APBB2: variants seen among roughly 807,000 people sequenced by gnomAD.
APBB2 encodes the protein Fe65-like 1.
In APBB2, 38 loss-of-function variants were observed where a neutral mutation model predicts 82.5. The observed-to-expected ratio is 0.46, with a 90% CI of 0.36 to 0.60. The LOEUF (loss-of-function observed/expected upper bound fraction) is 0.60, where lower values mean the gene tolerates loss of function less well. APBB2 is among the 20% of genes least tolerant of loss of function. The pLI, the probability that APBB2 is intolerant of heterozygous loss-of-function variation, is 0.00. For synonymous variants in APBB2, 341 were observed against 368.2 expected (o/e 0.93, Z 0.85); for missense variants, 772 against 972.3 (o/e 0.79, Z 2.74).
intron 10 of APBB2, among the ~76,000 whole-genome samples, chr4:40,926,290 G>T (rs1782583336): frequency 6.6e-6 from 1 of 152,142 alleles, no homozygotes; most frequent in Non-Finnish European, 1.5e-5. Context: ...ATCAGAATTT[G>T]CCCACAGGTA....
At position 41,058,760 on chromosome 4, in the gene APBB2, A is replaced by T. The variant is rs540661988; in HGVS notation, c.-51+6816T>A. 2.6e-5 allele frequency among the ~76,000 whole-genome samples: 4 copies of T among 152,340 alleles called. No individual in the cohort carries two copies. The East Asian group carries it at 5.8e-4, about 22-fold the overall frequency. On this transcript the variant is annotated intron_variant, in intron 4 of 17. Coordinates refer to ENST00000508593, the MANE Select transcript of APBB2 (RefSeq NM_004307.2). ...TGCAATTTGGTGACAAAAATATCTT[A>T]AAATTCTTTAATAGGATGGTGGTAA...
chr4:40,830,643 T>C (rs367742978), intron 12 of APBB2, 66 bp from the exon 13 acceptor site: 2 of 924,286 alleles, frequency 2.2e-6, no homozygotes, highest in Admixed American at 1.8e-5. Flanking sequence ...ACTTTAGTTA[T>C]GAAGTTAACT....
chr4:41,033,923 C>T (rs1356856203), intron 4 of APBB2, among the ~76,000 whole-genome samples: 1 of 151,988 alleles, frequency 6.6e-6, no homozygotes, highest in African/African-American at 2.4e-5. Context: ...AAGAAAATAC[C>T]AATTTAAATA....
At chr4:41,097,110 A>G (rs374421058) in intron 3 of APBB2, among the ~76,000 whole-genome samples, 11 of 152,224 alleles carry the variant, frequency 7.2e-5, no homozygotes, top group East Asian at 5.8e-4. Flanking sequence ...AGCTATTTGG[A>G]GTTTCTTTGG....
intron 1 of APBB2, chr4:41,194,182 T>TTCACC: frequency 6.6e-6 from 1 of 150,496 alleles, no homozygotes; most frequent in Non-Finnish European, 1.5e-5. Flanking sequence ...ATTAGCTGGA[T>TTCACC]GTGATGGTGT....
At chr4:41,102,096 C>T (rs1022646034) in intron 2 of APBB2, among the ~76,000 whole-genome samples, 3 of 152,036 alleles carry the variant, frequency 2.0e-5, no homozygotes, top group Non-Finnish European at 4.4e-5. Context: ...AACCTATAAC[C>T]TAAAGTCGGC....
At chr4:41,001,428 T>C (rs1805199663) in intron 6 of APBB2, among the ~76,000 whole-genome samples, 2 of 152,210 alleles carry the variant, frequency 1.3e-5, no homozygotes, top group Admixed American at 1.3e-4. Flanking sequence ...CTTTATGATA[T>C]CCCAGATATA....
At chr4:40,998,911 TGGGC>T (rs1804371484) in intron 6 of APBB2, among the ~76,000 whole-genome samples, 1 of 152,112 alleles carries the variant, frequency 6.6e-6, no homozygotes, top group Non-Finnish European at 1.5e-5. Flanking sequence ...ACTCACATCC[TGGGC>T]GGGATGAAGC....
At chr4:40,990,587 G>C (rs541200807) in intron 6 of APBB2, among the ~76,000 whole-genome samples, 1 of 152,102 alleles carries the variant, frequency 6.6e-6, no homozygotes, top group Non-Finnish European at 1.5e-5. Context: ...CAAACCTTTC[G>C]CACTTCCAGA....
chr4:40,870,733 TC>T (rs1765265390), intron 12 of APBB2, among the ~76,000 whole-genome samples: 2 of 143,932 alleles, frequency 1.4e-5, no homozygotes, highest in Admixed American at 6.9e-5. Flanking sequence ...GTATACACAC[TC>T]TTTTTTTTTT....
At chr4:40,913,868 G>C (rs2154364200) in intron 10 of APBB2, among the ~76,000 whole-genome samples, 1 of 152,092 alleles carries the variant, frequency 6.6e-6, no homozygotes, top group South Asian at 2.1e-4. Flanking sequence ...AAATACTTAT[G>C]TTAGGTAAGT....
intron 4 of APBB2, among the ~76,000 whole-genome samples, chr4:41,035,985 C>A (rs995449811): frequency 6.6e-6 from 1 of 151,866 alleles, no homozygotes; most frequent in Non-Finnish European, 1.5e-5. Context: ...ACAGCGAGAC[C>A]CTATCTCTAC....
chr4:40,921,025 G>A (rs1027009071), intron 10 of APBB2, among the ~76,000 whole-genome samples: 1 of 152,146 alleles, frequency 6.6e-6, no homozygotes, highest in Admixed American at 6.5e-5. Context: ...TCAAGCCACC[G>A]AACCCTCTGT....
At chr4:40,878,472 T>C (rs7675023) in intron 12 of APBB2, among the ~76,000 whole-genome samples, 252 of 152,288 alleles carry the variant, frequency 1.7e-3, no homozygotes, top group African/African-American at 5.7e-3. Flanking sequence ...CCCCATCACG[T>C]TACCTGCCTG....
Position 41,159,547 on chromosome 4 carries a change from G to A in APBB2, c.-416-16405C>T, listed in dbSNP as rs577543888. Among the ~76,000 whole-genome samples, 151 of 152,258 alleles carry A rather than the reference G, an allele frequency of 9.9e-4. 3 individuals are homozygous for A. In the South Asian group the frequency reaches 0.02, roughly 20 times the overall value. ...GTCCAAAGAACTACAGTTTATGAAT[G>A]CAAATTCAAACCCAGGATTATATCT... On this transcript the variant is annotated intron_variant, in intron 1 of 17. Coordinates refer to ENST00000508593, the MANE Select transcript of APBB2 (RefSeq NM_004307.2).
chr4:40,938,090 C>T (rs1396678239), intron 7 of APBB2, among the ~76,000 whole-genome samples: 16 of 152,164 alleles, frequency 1.1e-4, no homozygotes, highest in Admixed American at 1.0e-3. Flanking sequence ...GAGGTGGTAA[C>T]GGACCAACAG....
At chr4:41,062,800 A>G (rs1730341746) in intron 4 of APBB2, among the ~76,000 whole-genome samples, 1 of 152,176 alleles carries the variant, frequency 6.6e-6, no homozygotes, top group African/African-American at 2.4e-5. Context: ...CGTTTCTGGC[A>G]CCCAGTGAGG....
At chr4:40,896,109 G>A (rs961924856) in intron 10 of APBB2, among the ~76,000 whole-genome samples, 2 of 151,088 alleles carry the variant, frequency 1.3e-5, no homozygotes, top group African/African-American at 4.9e-5. Flanking sequence ...CTGTCACCCC[G>A]GCTGGAGTGC....
intron 10 of APBB2, among the ~76,000 whole-genome samples, chr4:40,912,502 G>T (rs192102833): frequency 0.014 from 2,071 of 151,978 alleles, 22 homozygotes; most frequent in Non-Finnish European, 0.019. Context: ...GCTTGAACCT[G>T]GGAGGCACAG....
Sources: allele counts gnomAD v4.1 joint callset (sites outside exome capture counted in the v4.1 genomes callset), GRCh38; gene constraint gnomAD v4.1.1; transcripts MANE v1.5; gene names NCBI Gene and HGNC (gene_info 2026-07-23, HGNC 2026-07-21).